SSX5: variants seen among roughly 807,000 people sequenced by gnomAD.
The protein encoded by SSX5 is SSX family member 5.
Under a neutral mutation model 14.9 loss-of-function variants are expected in SSX5, and 14 were observed. The ratio of observed to expected loss-of-function variants is 0.94; its 90% CI spans 0.62 to 1.47. The LOEUF (loss-of-function observed/expected upper bound fraction) is 1.47, where lower values mean the gene tolerates loss of function less well. Among genes scored for constraint, SSX5 ranks in the 40% most tolerant of loss-of-function variants. The probability of loss-of-function intolerance (pLI) is 0.00; values close to 1 mark genes in which losing one functional copy is unlikely to be tolerated. For missense variants in SSX5, 204 were observed against 154.6 expected, an observed-to-expected ratio of 1.32 and a Z score of -1.70; for synonymous variants, 70 against 55.4, an observed-to-expected ratio of 1.26 and a Z score of -1.17.
chrX:48,191,065 C>A (rs1556924656), intron 5 of SSX5, among the ~76,000 whole-genome samples: 2 of 110,014 alleles, frequency 1.8e-5, no homozygotes, highest in Non-Finnish European at 3.8e-5. Context: ...CTACCACGCC[C>A]CGCTAAGTTT....
intron 1 of SSX5, 115 bp from the exon 2 acceptor site, chrX:48,195,493 C>T (rs781869784): frequency 6.6e-6 from 5 of 755,847 alleles, no homozygotes; most frequent in Non-Finnish European, 9.9e-6. Flanking sequence ...TGCATTTCTC[C>T]ATCCGTGGCT....
intron 1 of SSX5, 32 bp from the exon 2 acceptor site, chrX:48,195,410 T>C: frequency 1.7e-6 from 2 of 1,174,344 alleles, no homozygotes; most frequent in Non-Finnish European, 2.3e-6. Context: ...TCTTTCCAGC[T>C]GCAGGACCTT....
intron 1 of SSX5, 123 bp downstream of exon 1, chrX:48,196,607 GA>G (rs781929816): frequency 9.0e-6 from 1 of 110,733 alleles, no homozygotes; most frequent in Admixed American, 9.7e-5. Context: ...GTTAGAAACT[GA>G]CAGGAAAGAT....
At chrX:48,190,406 G>C (rs375518706) in intron 5 of SSX5, 138 bp from the exon 6 acceptor site, 4 of 801,650 alleles carry the variant, frequency 5.0e-6, no homozygotes, top group East Asian at 7.6e-5. Context: ...GCCTAAATTA[G>C]GAGAAACCTG....
chrX:48,188,874 C>A (rs781969681), intron 6 of SSX5, among the ~76,000 whole-genome samples: 1 of 112,086 alleles, frequency 8.9e-6, no homozygotes, highest in Non-Finnish European at 1.9e-5. Flanking sequence ...TACTAATACT[C>A]CAGTGAACAC....
chrX:48,191,147 C>T lies in SSX5; in HGVS notation c.331-879G>A, dbSNP rs782703535. ...CTCGATCGCTTGACCTCATGATCTG[C>T]CCGCCTCAGCCTCCCAAAGTGCTGG... On this transcript the variant is annotated intron_variant, in intron 5 of 7. Transcript: ENST00000347757. 2.7e-4 allele frequency among the ~76,000 whole-genome samples: 30 copies of T among 110,530 alleles called. No homozygotes were observed. The East Asian group carries it at 5.6e-3, about 21-fold the overall frequency.
Position 48,186,394 on chromosome X carries a change from GTGTGTGTGTGCGCGCGCGCGCGCA to G in SSX5, c.*443_*466del. 1 of 241,610 alleles carries G rather than the reference GTGTGTGTGTGCGCGCGCGCGCGCA, an allele frequency of 4.1e-6. No homozygotes were observed. 19.9% of individuals were successfully genotyped at this position (241,610 alleles called of 1,213,427 possible). ...TGTGTGTGTGTGTGTGTGTGTGTGT[GTGTGTGTGTGCGCGCGCGCGCGCA>G]TGTGTGTCTGTGTGGCATGTGTGTG... On this transcript the variant is annotated 3_prime_UTR_variant, in exon 8 of 8. Coordinates refer to ENST00000347757, the MANE Select transcript of SSX5 (RefSeq NM_175723.2).
chrX:48,194,780 A>T lies in SSX5; in HGVS notation c.144T>A (p.Tyr48Ter). ...EKMKASEKIIYVYMKRKYEAM... is the reference protein window; with the variant it reads ...EKMKASEKII Reference sequence around the variant, plus strand: ...CCTCATACTTTCTCTTCATATACACATAGATGATTTTCTCCGAGGCTTTCA... The same window carrying T: ...CCTCATACTTTCTCTTCATATACACTTAGATGATTTTCTCCGAGGCTTTCA... Residue 48 changes from tyrosine to a stop codon, truncating the protein, a stop_gained, in exon 3 of 8, where the codon TAT becomes TAA. Coordinates refer to ENST00000347757, the MANE Select transcript of SSX5 (RefSeq NM_175723.2). LOFTEE classifies it high-confidence loss of function. The T allele has an allele frequency of 8.3e-7, 1 of 1,210,577 alleles. No homozygotes were observed. The highest frequency in any genetic ancestry group is 1.1e-6 in the Non-Finnish European group (1 of 894,920).
rs1316645815 is a variant in SSX5 at position 48,189,194 on chromosome X, G to A, written c.466+939C>T. Among the ~76,000 whole-genome samples the A allele has an allele frequency of 1.3e-4, 15 of 112,206 alleles. 1 individual carries two copies. Among genetic ancestry groups the A allele is most frequent in the African/African-American group, 3.9e-4 (12 of 30,917 alleles). ...AGATCTAGCTAAGATCACTGATGAA[G>A]GTGGCTACACTAAACAACAGATTTT... is the stretch of plus-strand genomic sequence containing the variant. On this transcript the variant is annotated intron_variant, in intron 6 of 7. Transcript: ENST00000347757.
rs782454324 is a variant in SSX5 at position 48,195,326 on chromosome X, A to G, written c.33T>C (p.Pro11=). 1.7e-5 allele frequency: 21 copies of G among 1,211,536 alleles called. No homozygotes were observed. The Admixed American group carries it at 4.6e-4, about 26-fold the overall frequency. Residue 11 remains proline, a synonymous_variant, in exon 2 of 8, where the codon CCT becomes CCC. Transcript: ENST00000347757. MNGDDAFVRR[P]RVGSQIPEKM... is the part of the protein sequence containing the mutation. Reference sequence around the variant, plus strand: ...TCTCTGGTATTTGAGAACCAACCCTAGGTCTCCGTACAAAGGCATCGTCTC... The same window carrying G: ...TCTCTGGTATTTGAGAACCAACCCTGGGTCTCCGTACAAAGGCATCGTCTC...
At chrX:48,191,748 T>A (rs1437597006) in intron 5 of SSX5, among the ~76,000 whole-genome samples, 5 of 112,298 alleles carry the variant, frequency 4.5e-5, no homozygotes, top group African/African-American at 1.6e-4. Context: ...CCACTGCCAC[T>A]GCGCCTCAGG....
In SSX5 at chrX:48,194,184, C is replaced by A. The variant is rs1194775077; in HGVS notation, c.225G>T (p.Arg75=). The stretch of plus-strand genomic sequence containing the variant: ...AATCATTCCCCTGGAAGTCTGCGAC[C>A]CGTTTATTACGCATGAAAGGTGGGA... ...ATLPPFMRNK[R]VADFQGNDFD... is the part of the protein sequence containing the mutation. Residue 75 remains arginine, a synonymous_variant, in exon 4 of 8, where the codon CGG becomes CGT. Transcript: ENST00000347757. The A allele has an allele frequency of 9.9e-6, 12 of 1,207,840 alleles. No homozygotes were observed. Among genetic ancestry groups the A allele is most frequent in the Middle Eastern group, 2.3e-4 (1 of 4,366 alleles).
intron 1 of SSX5, among the ~76,000 whole-genome samples, chrX:48,196,011 C>T (rs2059439756): frequency 9.0e-6 from 1 of 111,716 alleles, no homozygotes; most frequent in Non-Finnish European, 1.9e-5. Context: ...ATCAGCCAGG[C>T]TCGGTGGCTC....
chrX:48,188,626 A>C (rs2059408058), intron 6 of SSX5, among the ~76,000 whole-genome samples: 1 of 111,717 alleles, frequency 9.0e-6, no homozygotes, highest in Non-Finnish European at 1.9e-5. Flanking sequence ...GAAATTAGGA[A>C]GATTAACAAC....
intron 6 of SSX5, among the ~76,000 whole-genome samples, chrX:48,189,685 C>T (rs2059412368): frequency 1.8e-5 from 2 of 112,223 alleles, no homozygotes; most frequent in Non-Finnish European, 3.8e-5. Flanking sequence ...GTGTGACTCA[C>T]TTTATCGCAG....
At chrX:48,187,050 A>C (rs146156383) in intron 7 of SSX5, among the ~76,000 whole-genome samples, 194 bp from the exon 8 acceptor site, 3 of 111,619 alleles carry the variant, frequency 2.7e-5, no homozygotes, top group African/African-American at 9.8e-5. Context: ...CTGGGTTATC[A>C]ATTCCTAGGC....
rs1556924079 is a variant in SSX5, at chrX:48,187,752, A to G, written c.467-21T>C. 9 of 1,199,734 alleles carry G rather than the reference A, an allele frequency of 7.5e-6. No homozygotes were observed. In the Admixed American group the frequency reaches 1.5e-4, roughly 20 times the overall value. On this transcript the variant is annotated intron_variant, in intron 6 of 7. Transcript: ENST00000347757. Reference sequence around the variant, plus strand: ...GGGTCCTATGATGGAGAAGAGTTGGAAGATGAGGGTTGGGTAGATTGGAGA... The same window carrying G: ...GGGTCCTATGATGGAGAAGAGTTGGGAGATGAGGGTTGGGTAGATTGGAGA...
rs1556924530 is a variant in SSX5, at chrX:48,190,235, C to G, written c.364G>C (p.Asp122His). Residue 122 changes from aspartate (D) to histidine (H), a missense_variant, in exon 6 of 8, where the codon GAT becomes CAT. Coordinates refer to ENST00000347757, the MANE Select transcript of SSX5 (RefSeq NM_175723.2). ...GATGCTTCTGGCACTCCCTTCGAAT[C>G]ATTTCCTTCCTCTGCTGGCTTCTCG... ...TPEKPAEEGNDSKGVPEASGP... is the reference protein window; with the variant it reads ...TPEKPAEEGNHSKGVPEASGP... The G allele has an allele frequency of 2.5e-6, 3 of 1,206,265 alleles. No homozygotes were observed. The highest frequency in any genetic ancestry group is 4.4e-5 in the Admixed American group (2 of 45,025).
Position 48,195,280 on chromosome X carries a change from G to T in SSX5, c.69+10C>A, listed in dbSNP as rs370150651. On this transcript the variant is annotated intron_variant, in intron 2 of 7. Transcript: ENST00000347757. ...TGGGCCACTACTATGCCCCCTGCAG[G>T]TCACCTCACCTTTTGCATCTTCTCT... The T allele has an allele frequency of 5.8e-6, 7 of 1,208,925 alleles. No homozygotes were observed. The highest frequency in any genetic ancestry group is 1.8e-5 in the South Asian group (1 of 56,730).
Sources: allele counts gnomAD v4.1 joint callset (sites outside exome capture counted in the v4.1 genomes callset), GRCh38; gene constraint gnomAD v4.1.1; transcripts MANE v1.5; gene names NCBI Gene and HGNC (gene_info 2026-07-23, HGNC 2026-07-21).